The following EMILIN2 variants were observed in gnomAD, a reference collection of about 807,000 sequenced individuals.
The protein encoded by EMILIN2 is EMILIN-2.
In EMILIN2, 71 loss-of-function variants were observed where a neutral mutation model predicts 87.1. The observed-to-expected ratio is 0.82, with a 90% CI of 0.67 to 0.99. The LOEUF (loss-of-function observed/expected upper bound fraction) is 0.99. Among genes scored for constraint, EMILIN2 ranks in the 50% least tolerant of loss-of-function variants. The probability of loss-of-function intolerance (pLI) is 0.00; values close to 1 mark genes in which losing one functional copy is unlikely to be tolerated. For missense variants in EMILIN2, 1,407 were observed against 1,371.8 expected (o/e 1.03, Z -0.40); for synonymous variants, 581 against 563.4 (o/e 1.03, Z -0.44).
chr18:2,909,712 T>C lies in EMILIN2; in HGVS notation c.2717T>C (p.Val906Ala), dbSNP rs1295638534. ...CCAGGAGCTCCGGTGCCTTCTCTGG[T>C]GTCTTTTTCTGCGGGGCTCACCCAG... ...ASPGAPVPSL[V>A]SFSAGLTQKP... The change falls in exon 7 of 8, where the codon GTG becomes GCG. Residue 906 changes from valine (V) to alanine (A), a missense_variant. Physicochemically the swap from Val to Ala is moderately conservative, Grantham distance 64 (BLOSUM62 0). Coordinates refer to ENST00000254528, the MANE Select transcript of EMILIN2 (RefSeq NM_032048.3). The C allele has an allele frequency of 6.2e-7, 1 of 1,614,036 alleles. No individual in the cohort carries two copies.
chr18:2,868,689 G>T (rs111239452), intron 2 of EMILIN2, among the ~76,000 whole-genome samples: 3 of 152,210 alleles, frequency 2.0e-5, no homozygotes, highest in Non-Finnish European at 4.4e-5. Context: ...GCAGGCACTC[G>T]GCAGGCTGAG....
At chr18:2,857,138 C>G (rs1317105357) in intron 2 of EMILIN2, among the ~76,000 whole-genome samples, 1 of 152,146 alleles carries the variant, frequency 6.6e-6, no homozygotes, top group East Asian at 1.9e-4. Flanking sequence ...GGGAATACGC[C>G]TAAGAATTAC....
chr18:2,864,895 T>A (rs1325777152), intron 2 of EMILIN2, among the ~76,000 whole-genome samples: 1 of 152,228 alleles, frequency 6.6e-6, no homozygotes, highest in Non-Finnish European at 1.5e-5. Context: ...GTCCCATATT[T>A]CTTGGAGGCT....
At chr18:2,865,492 C>T (rs767607334) in intron 2 of EMILIN2, among the ~76,000 whole-genome samples, 14 of 152,220 alleles carry the variant, frequency 9.2e-5, no homozygotes, top group Non-Finnish European at 1.2e-4. Flanking sequence ...CCCTGTTTGC[C>T]TGGGTATCAG....
upstream of EMILIN2, chr18:2,846,851 A>G: frequency 3.0e-6 from 3 of 985,312 alleles, no homozygotes; most frequent in South Asian, 9.4e-5. This position sits in a 1 kb window ranked among gnomAD's most constrained non-coding sequence, Gnocchi z 5.3. Flanking sequence ...CTCCACCCCG[A>G]GCCCCCTGCC....
rs1216413088 is a variant in EMILIN2 at position 2,913,401 on chromosome 18, C to CTT, written c.3160_3161insTT (p.Ter1054PhefsTer12). On this transcript the variant is annotated frameshift_variant, in exon 8 of 8. Transcript: ENST00000254528. LOFTEE classifies it high-confidence loss of function. ...TCTTATATCCTTTCCTTTCCCACCTCTAAGGTGGCTGGGGAGATGTCAGGG... is the reference window on the plus strand; with the variant it reads ...TCTTATATCCTTTCCTTTCCCACCTCTTTAAGGTGGCTGGGGAGATGTCAGGG... 6.3e-7 allele frequency: 1 copy of CTT among 1,577,422 alleles called. No individual in the cohort carries two copies. The highest frequency in any genetic ancestry group is 1.2e-5 in the South Asian group (1 of 85,806).
intron 4 of EMILIN2, among the ~76,000 whole-genome samples, chr18:2,905,465 C>A (rs1785281): frequency 6.6e-6 from 1 of 151,704 alleles, no homozygotes; most frequent in Non-Finnish European, 1.5e-5. Flanking sequence ...ATCTATTACC[C>A]AAAGCATGTG....
At position 2,915,961 on chromosome 18, in the gene EMILIN2, G is replaced by A. The variant is rs2076966981; in HGVS notation, c.*2557G>A. The A allele has an allele frequency of 1.3e-5, 2 of 152,168 alleles. No homozygotes were observed. Among genetic ancestry groups the A allele is most frequent in the Admixed American group, 1.3e-4 (2 of 15,284 alleles). 9.4% of individuals were successfully genotyped at this position (152,168 alleles called of 1,614,324 possible). On this transcript the variant is annotated 3_prime_UTR_variant, in exon 8 of 8. Transcript: ENST00000254528. The stretch of plus-strand genomic sequence containing the variant: ...TCATTTACACGATTAAAAACAAAAT[G>A]GTATCGTCAATAAATGCAAACCTTA...
At chr18:2,899,802 C>T (rs1238260751) in intron 4 of EMILIN2, among the ~76,000 whole-genome samples, 1 of 152,204 alleles carries the variant, frequency 6.6e-6, no homozygotes, top group Non-Finnish European at 1.5e-5. Flanking sequence ...CCGCGCGCGG[C>T]CCAGCTTGTG....
upstream of EMILIN2, chr18:2,846,968 T>C: frequency 1.0e-6 from 1 of 1,000,856 alleles, no homozygotes; most frequent in Non-Finnish European, 1.2e-6. This position sits in a 1 kb window ranked among gnomAD's most constrained non-coding sequence, Gnocchi z 5.3. Context: ...TGTGCGTCAT[T>C]GAGGGACCGG....
intron 2 of EMILIN2, among the ~76,000 whole-genome samples, chr18:2,868,669 G>A (rs575831616): frequency 5.9e-5 from 9 of 152,370 alleles, no homozygotes; most frequent in South Asian, 4.1e-4. Flanking sequence ...GGGGGCGCGC[G>A]CCTGCAATCG....
At chr18:2,908,894 C>T in intron 5 of EMILIN2, 49 bp from the exon 6 acceptor site, 1 of 1,611,726 alleles carries the variant, frequency 6.2e-7, no homozygotes, top group Non-Finnish European at 8.5e-7. Context: ...GAACAAGGAG[C>T]TGGTGCTTAG....
Position 2,847,233 on chromosome 18 carries a change from G to A in EMILIN2, c.45G>A (p.Trp15Ter). ...RRPWPRVPWR[W>*]ALALLALVGA... ...CCTGGCCCCGCGTGCCCTGGCGCTG[G>A]GCGCTGGCGCTGCTGGCCCTGGTTG... The change falls in exon 1 of 8, where the codon TGG becomes TGA. Residue 15 changes from tryptophan to a stop codon, truncating the protein, a stop_gained. Transcript: ENST00000254528. LOFTEE classifies it high-confidence loss of function. This position sits in a 1 kb window ranked among gnomAD's most constrained non-coding sequence, Gnocchi z 4.5. The A allele has an allele frequency of 7.9e-7, 1 of 1,263,572 alleles. No individual in the cohort carries two copies. Among genetic ancestry groups the A allele is most frequent in the Non-Finnish European group, 9.9e-7 (1 of 1,006,236 alleles). The allele number at this position is 1,263,572 out of a possible 1,614,324, so 78.3% of individuals were successfully genotyped here.
upstream of EMILIN2, among the ~76,000 whole-genome samples, chr18:2,846,525 G>A (rs1226821821): frequency 1.3e-5 from 2 of 152,220 alleles, no homozygotes; most frequent in Non-Finnish European, 2.9e-5. The surrounding 1 kb of genome is among the most constrained non-coding windows in gnomAD (Gnocchi z 5.3). Context: ...ACCAGCGTTC[G>A]TTTCCTCCTG....
At chr18:2,876,793 C>A (rs902501797) in intron 2 of EMILIN2, among the ~76,000 whole-genome samples, 2 of 152,108 alleles carry the variant, frequency 1.3e-5, no homozygotes, top group Non-Finnish European at 2.9e-5. Context: ...ATGTACAAAG[C>A]TACATTGTAA....
In EMILIN2 at chr18:2,885,105, G is replaced by A. The variant is rs770705353; in HGVS notation, c.399G>A (p.Pro133=). ...KDPVKTLRPT[P]ARPRNSLKKA... ...CCGTGAAGACCCTCCGCCCCACGCC[G>A]GCTCGGCCTCGAAACAGCTTGAAGA... Residue 133 remains proline, a synonymous_variant, in exon 3 of 8, where the codon CCG becomes CCA. Coordinates refer to ENST00000254528, the MANE Select transcript of EMILIN2 (RefSeq NM_032048.3). 132 of 1,610,460 alleles carry A rather than the reference G, an allele frequency of 8.2e-5. No homozygotes were observed. Among genetic ancestry groups the A allele is most frequent in the East Asian group, 3.3e-4 (15 of 44,812 alleles).
intron 2 of EMILIN2, among the ~76,000 whole-genome samples, chr18:2,863,405 T>C (rs1568457090): frequency 6.6e-6 from 1 of 152,202 alleles, no homozygotes; most frequent in Non-Finnish European, 1.5e-5. Context: ...GTCCCAGAGA[T>C]TGTGGTACGT....
chr18:2,858,430 G>T (rs2076638612), intron 2 of EMILIN2, among the ~76,000 whole-genome samples: 1 of 147,882 alleles, frequency 6.8e-6, no homozygotes, highest in Admixed American at 6.8e-5. Flanking sequence ...CCACTCCTGA[G>T]TTACTTCATT....
chr18:2,858,581 G>GCATA lies in EMILIN2; in HGVS notation c.257+10650_257+10651insCATA, dbSNP rs2076643148. Among the ~76,000 whole-genome samples the GCATA allele has an allele frequency of 4.0e-4, 26 of 64,788 alleles. 2 individuals carry two copies. The highest frequency in any genetic ancestry group is 7.0e-3 in the Middle Eastern group (1 of 142). The allele number at this position is 64,788 out of a possible 152,430, so 42.5% of individuals were successfully genotyped here. ...TATATATATATATATGTGTGTGTGT[G>GCATA]TGTATATATATATATATATATGTGT... On this transcript the variant is annotated intron_variant, in intron 2 of 7. Coordinates refer to ENST00000254528, the MANE Select transcript of EMILIN2 (RefSeq NM_032048.3).
Sources: gnomAD v4.1 joint callset for allele counts (sites outside exome capture counted in the v4.1 genomes callset) on GRCh38, gnomAD v4.1.1 for gene constraint, Gnocchi (gnomAD v3.1) non-coding constraint, MANE v1.5 for transcripts, NCBI Gene and HGNC (gene_info 2026-07-23, HGNC 2026-07-21) for gene names.